LRP5: variants seen among roughly 807,000 people sequenced by gnomAD.
LRP5 encodes low-density lipoprotein receptor-related protein 5.
In LRP5, 62 loss-of-function variants were observed where a neutral mutation model predicts 154.1. The ratio of observed to expected loss-of-function variants is 0.40; its 90% CI spans 0.33 to 0.50. LRP5 has a LOEUF of 0.50. Ranked by LOEUF, LRP5 falls within the 20% of genes least tolerant of loss-of-function variation. The pLI is 0.55. For missense variants in LRP5, 1,915 were observed against 2,336.7 expected, an observed-to-expected ratio of 0.82 and a Z score of 3.72; for synonymous variants, 966 against 1,011.5, an observed-to-expected ratio of 0.96 and a Z score of 0.85.
At position 68,439,576 on chromosome 11, in the gene LRP5, T is replaced by C. The variant is rs115974399; in HGVS notation, c.4349-201T>C. 3.1e-3 allele frequency among the ~76,000 whole-genome samples: 476 copies of C among 152,278 alleles called. 3 individuals carry two copies. Among genetic ancestry groups the C allele is most frequent in the African/African-American group, 0.01 (436 of 41,568 alleles). On this transcript the variant is annotated intron_variant, in intron 20 of 22. Transcript: ENST00000294304. ...GAGGAGGTACCATGTGTCTCCCGTT[T>C]CACAGATGAGCCCCGGGGAGCTCAC...
At chr11:68,309,484 C>T (rs1225019995), upstream of LRP5, among the ~76,000 whole-genome samples, 5 of 152,028 alleles carry the variant, frequency 3.3e-5, no homozygotes, top group Non-Finnish European at 5.9e-5. Context: ...CCACCCTCCT[C>T]GGCCTCCCAA....
intron 18 of LRP5, among the ~76,000 whole-genome samples, chr11:68,435,021 A>G (rs1434615965): frequency 1.3e-5 from 2 of 152,224 alleles, no homozygotes; most frequent in African/African-American, 2.4e-5. Context: ...CCAGCCTGCC[A>G]CCTACTTTTG....
intron 13 of LRP5, among the ~76,000 whole-genome samples, chr11:68,417,084 G>A (rs1255149145): frequency 6.6e-6 from 1 of 152,232 alleles, no homozygotes; most frequent in Admixed American, 6.5e-5. Flanking sequence ...ACAATACTGT[G>A]CATTCGTAAA....
At chr11:68,398,233 A>C (rs2098650636) in intron 7 of LRP5, among the ~76,000 whole-genome samples, 1 of 152,142 alleles carries the variant, frequency 6.6e-6, no homozygotes, top group Non-Finnish European at 1.5e-5. Flanking sequence ...AAAACACTGC[A>C]CAGCAGGCGA....
intron 14 of LRP5, among the ~76,000 whole-genome samples, chr11:68,424,375 G>A (rs2098667505): frequency 3.3e-5 from 5 of 152,178 alleles, no homozygotes; most frequent in African/African-American, 4.8e-5. Flanking sequence ...GACCTTGGGC[G>A]GGTGGCATAG....
chr11:68,406,962 T>TTA (rs2098656068), intron 9 of LRP5, 149 bp downstream of exon 9: 1 of 583,194 alleles, frequency 1.7e-6, no homozygotes. Flanking sequence ...CAAGCCTATT[T>TTA]AAAAAAAAAA....
chr11:68,341,754 GC>G lies in LRP5; in HGVS notation c.92-6087del, dbSNP rs1477266841. On this transcript the variant is annotated intron_variant, in intron 1 of 22. Coordinates refer to ENST00000294304, the MANE Select transcript of LRP5 (RefSeq NM_002335.4). ...CCTGCTCTGTCTCAGGTAGCATGCA[GC>G]CCCCCGACCCACTTCTCATGTAGCA... 4.6e-5 allele frequency among the ~76,000 whole-genome samples: 7 copies of G among 151,710 alleles called. No homozygotes were observed. In the East Asian group the frequency reaches 1.2e-3, roughly 25 times the overall value.
In LRP5 at chr11:68,425,168, C is replaced by T. The variant is rs776565930; in HGVS notation, c.3303C>T (p.Thr1101=). 3.0e-5 allele frequency: 49 copies of T among 1,613,746 alleles called. No homozygotes were observed. Among genetic ancestry groups the T allele is most frequent in the Middle Eastern group, 1.6e-4 (1 of 6,062 alleles). Residue 1101 remains threonine (T), a synonymous_variant, in exon 15 of 23, where the codon ACC becomes ACT. Coordinates refer to ENST00000294304, the MANE Select transcript of LRP5 (RefSeq NM_002335.4). The part of the protein sequence containing the change: ...AKIERAALDG[T]EREVLFTTGL... ...TCGAACGCGCAGCCCTGGACGGCAC[C>T]GAGCGCGAGGTCCTCTTCACCACCG...
At chr11:68,348,460 C>T (rs1565335780) in intron 2 of LRP5, among the ~76,000 whole-genome samples, 2 of 142,086 alleles carry the variant, frequency 1.4e-5, no homozygotes, top group Non-Finnish European at 3.1e-5. Flanking sequence ...CCCCAGCACT[C>T]GGTGTCACTC....
intron 2 of LRP5, among the ~76,000 whole-genome samples, chr11:68,350,536 G>A (rs1486856188): frequency 6.6e-6 from 1 of 152,262 alleles, no homozygotes; most frequent in Admixed American, 6.5e-5. Flanking sequence ...CCAACTTGCT[G>A]TTGCCCTTTG....
At chr11:68,327,401 C>T (rs983321955) in intron 1 of LRP5, among the ~76,000 whole-genome samples, 2 of 152,234 alleles carry the variant, frequency 1.3e-5, no homozygotes, top group Non-Finnish European at 2.9e-5. Context: ...GGGAGGGTCA[C>T]CCCAGCGCCT....
Position 68,423,769 on chromosome 11 carries a change from G to C in LRP5, c.3236+72G>C. ...CCGCCGTGTCTTCTGCCGAATGCCA[G>C]CCTCTCACAGGCTGGGGAGACTTTC... is the stretch of plus-strand genomic sequence containing the variant. On this transcript the variant is annotated intron_variant, in intron 14 of 22. Transcript: ENST00000294304. The surrounding 1 kb of genome is among the most constrained non-coding windows in gnomAD (Gnocchi z 4.7). 2 of 1,458,352 alleles carry C rather than the reference G, an allele frequency of 1.4e-6. No homozygotes were observed. The highest frequency in any genetic ancestry group is 1.9e-6 in the Non-Finnish European group (2 of 1,064,100). 90.3% of individuals were successfully genotyped at this position (1,458,352 alleles called of 1,614,324 possible).
At chr11:68,394,465 C>T (rs73515042) in intron 7 of LRP5, among the ~76,000 whole-genome samples, 3,624 of 150,976 alleles carry the variant, frequency 0.024, 139 homozygotes, top group African/African-American at 0.084. Context: ...TGTTGATTAC[C>T]CACTTTTTTT....
At chr11:68,373,394 G>A (rs1386895024) in intron 5 of LRP5, among the ~76,000 whole-genome samples, 3 of 152,094 alleles carry the variant, frequency 2.0e-5, no homozygotes, top group Admixed American at 6.5e-5. Flanking sequence ...GGTGGCGGGG[G>A]GGGCCCCGCA....
At chr11:68,397,621 G>C (rs190820510) in intron 7 of LRP5, among the ~76,000 whole-genome samples, 1 of 150,618 alleles carries the variant, frequency 6.6e-6, no homozygotes, top group African/African-American at 2.4e-5. Flanking sequence ...GGGTCTGTGC[G>C]CTCGGTTGGC....
chr11:68,375,147 C>T (rs1344797632), intron 5 of LRP5, among the ~76,000 whole-genome samples: 2 of 152,226 alleles, frequency 1.3e-5, no homozygotes, highest in African/African-American at 4.8e-5. Flanking sequence ...CGGCTGCGGG[C>T]ACTCCTTGCC....
intron 1 of LRP5, among the ~76,000 whole-genome samples, chr11:68,347,278 G>A (rs1189603861): frequency 6.6e-6 from 1 of 152,236 alleles, no homozygotes. Context: ...TACAGGGGTG[G>A]ATGGGAAGCT....
chr11:68,350,890 G>A (rs1167479020), intron 2 of LRP5, among the ~76,000 whole-genome samples: 1 of 152,098 alleles, frequency 6.6e-6, no homozygotes, highest in Non-Finnish European at 1.5e-5. Context: ...GAGGATGTGA[G>A]CGTGTGTGTG....
At chr11:68,429,089 T>G (rs1257626017) in intron 16 of LRP5, among the ~76,000 whole-genome samples, 1 of 143,676 alleles carries the variant, frequency 7.0e-6, no homozygotes, top group African/African-American at 2.6e-5. Flanking sequence ...AGAGCAAGAC[T>G]CTGTCTCAAA....
Sources: allele counts gnomAD v4.1 joint callset (sites outside exome capture counted in the v4.1 genomes callset), GRCh38; gene constraint gnomAD v4.1.1; non-coding constraint Gnocchi (gnomAD v3.1); transcripts MANE v1.5; gene names NCBI Gene and HGNC (gene_info 2026-07-23, HGNC 2026-07-21).